The following LRRC4C variants were observed in gnomAD, a reference collection of about 807,000 sequenced individuals.
LRRC4C encodes leucine-rich repeat-containing protein 4C.
In LRRC4C, 5 loss-of-function variants were observed where a neutral mutation model predicts 33.6. That is an observed-to-expected ratio of 0.15 (90% CI 0.08 to 0.31). LRRC4C has a LOEUF of 0.31. Ranked by LOEUF, LRRC4C falls within the 10% of genes least tolerant of loss-of-function variation. The pLI is 1.00. For synonymous variants in LRRC4C, 329 were observed against 302.0 expected (o/e 1.09, Z -0.93); for missense variants, 560 against 796.7 (o/e 0.70, Z 3.58).
intron 2 of LRRC4C, among the ~76,000 whole-genome samples, chr11:40,883,893 G>T (rs370470826): frequency 6.8e-6 from 1 of 146,236 alleles, no homozygotes; most frequent in Non-Finnish European, 1.5e-5. Flanking sequence ...CCATAAGCTA[G>T]TTTTTTTTTT....
At chr11:41,125,725 T>C (rs574803032) in intron 1 of LRRC4C, among the ~76,000 whole-genome samples, 9 of 152,214 alleles carry the variant, frequency 5.9e-5, no homozygotes, top group African/African-American at 2.2e-4. Flanking sequence ...AGACATGATA[T>C]TATATGAGGG....
At chr11:41,398,196 G>T (rs1953893280) in intron 1 of LRRC4C, among the ~76,000 whole-genome samples, 1 of 151,880 alleles carries the variant, frequency 6.6e-6, no homozygotes. Context: ...ACTGCCTCAG[G>T]GGTCACATTT....
At chr11:40,331,690 C>T (rs907049691) in intron 3 of LRRC4C, among the ~76,000 whole-genome samples, 1 of 152,170 alleles carries the variant, frequency 6.6e-6, no homozygotes, top group Non-Finnish European at 1.5e-5. Flanking sequence ...TCTCTCTCTT[C>T]TTGAGCTGGG....
intron 2 of LRRC4C, among the ~76,000 whole-genome samples, chr11:40,803,157 C>T (rs1951106874): frequency 6.6e-6 from 1 of 152,162 alleles, no homozygotes; most frequent in African/African-American, 2.4e-5. Flanking sequence ...GTGACAGGTA[C>T]TGTTGAAAAC....
intron 1 of LRRC4C, among the ~76,000 whole-genome samples, chr11:41,370,299 T>A (rs1952697669): frequency 6.6e-6 from 1 of 152,158 alleles, no homozygotes. Context: ...TCCTCCCACC[T>A]CAGCCTACTG....
chr11:40,366,038 C>T (rs1008116552), intron 3 of LRRC4C, among the ~76,000 whole-genome samples: 4 of 151,928 alleles, frequency 2.6e-5, no homozygotes, highest in Admixed American at 2.6e-4. Context: ...CTCAACATAA[C>T]CAACTATCTC....
At chr11:40,614,894 G>A (rs10837445) in intron 3 of LRRC4C, among the ~76,000 whole-genome samples, 3,159 of 151,606 alleles carry the variant, frequency 0.021, 116 homozygotes, top group African/African-American at 0.073. Context: ...TACTGCTTAT[G>A]GAGTCCCCAG....
intron 3 of LRRC4C, among the ~76,000 whole-genome samples, chr11:40,544,333 G>A (rs1163905094): frequency 2.6e-5 from 4 of 151,948 alleles, no homozygotes; most frequent in South Asian, 2.1e-4. Flanking sequence ...TTTAAGAAGC[G>A]AAACTCCAAG....
At chr11:41,324,803 C>G (rs1380054665) in intron 1 of LRRC4C, among the ~76,000 whole-genome samples, 2 of 152,138 alleles carry the variant, frequency 1.3e-5, no homozygotes, top group South Asian at 4.1e-4. Flanking sequence ...GCTGTGTACA[C>G]CTATGAATGC....
At chr11:40,532,298 TA>T (rs1251425191) in intron 3 of LRRC4C, among the ~76,000 whole-genome samples, 1 of 151,564 alleles carries the variant, frequency 6.6e-6, no homozygotes, top group Admixed American at 6.6e-5. Context: ...TAAAAGTGAG[TA>T]AAATGGATCA....
chr11:40,991,204 T>TAA (rs1186155913), intron 1 of LRRC4C, among the ~76,000 whole-genome samples: 34 of 103,322 alleles, frequency 3.3e-4, no homozygotes, highest in African/African-American at 9.4e-4. Flanking sequence ...TCCCAATATG[T>TAA]AAAAAAAAAA....
chr11:40,693,438 A>G (rs983642972), intron 2 of LRRC4C, among the ~76,000 whole-genome samples: 1 of 152,112 alleles, frequency 6.6e-6, no homozygotes, highest in African/African-American at 2.4e-5. Flanking sequence ...TATCTTGTCA[A>G]TTGTGGAATA....
At chr11:40,136,120 G>A (rs776646467) in intron 6 of LRRC4C, among the ~76,000 whole-genome samples, 94 of 152,142 alleles carry the variant, frequency 6.2e-4, no homozygotes, top group Non-Finnish European at 1.1e-3. Flanking sequence ...ACCCATGCAT[G>A]TAAGCGTTGT....
chr11:40,395,157 T>C (rs1464021357), intron 3 of LRRC4C, among the ~76,000 whole-genome samples: 11 of 152,272 alleles, frequency 7.2e-5, no homozygotes, highest in African/African-American at 2.6e-4. Context: ...TGTTCTAAGG[T>C]ATAAAATGTG....
chr11:40,832,508 C>T (rs1226929716), intron 2 of LRRC4C, among the ~76,000 whole-genome samples: 2 of 151,900 alleles, frequency 1.3e-5, no homozygotes, highest in African/African-American at 4.8e-5. Context: ...TAATAAATCC[C>T]AAACTAGAAT....
At chr11:41,243,815 T>G (rs1948346076) in intron 1 of LRRC4C, among the ~76,000 whole-genome samples, 1 of 152,130 alleles carries the variant, frequency 6.6e-6, no homozygotes, top group Non-Finnish European at 1.5e-5. Flanking sequence ...CTACCTTTGG[T>G]GATATATAAT....
At chr11:41,102,077 C>T (rs1941223508) in intron 1 of LRRC4C, among the ~76,000 whole-genome samples, 1 of 151,828 alleles carries the variant, frequency 6.6e-6, no homozygotes, top group African/African-American at 2.4e-5. Flanking sequence ...TACAACAAAC[C>T]CCCGTGACAT....
chr11:41,034,337 C>T (rs1457562594), intron 1 of LRRC4C, among the ~76,000 whole-genome samples: 1 of 151,128 alleles, frequency 6.6e-6, no homozygotes, highest in Non-Finnish European at 1.5e-5. Flanking sequence ...GACTTTCTAG[C>T]CTCCAAAACT....
chr11:40,530,188 T>G lies in LRRC4C; in HGVS notation c.-270+117954A>C, dbSNP rs563591338. 3.3e-5 allele frequency among the ~76,000 whole-genome samples: 5 copies of G among 152,230 alleles called. No homozygotes were observed. In the South Asian group the frequency reaches 6.2e-4, roughly 19 times the overall value. Reference sequence around the variant, plus strand: ...AACATTTTCTCTGGTGAATCATTTCTGACTTCGCTAGAACTCTAAAATTAT... The same window carrying G: ...AACATTTTCTCTGGTGAATCATTTCGGACTTCGCTAGAACTCTAAAATTAT... On this transcript the variant is annotated intron_variant, in intron 3 of 6. Transcript: ENST00000528697.
Sources: allele counts gnomAD v4.1 joint callset (sites outside exome capture counted in the v4.1 genomes callset), GRCh38; gene constraint gnomAD v4.1.1; transcripts MANE v1.5; gene names NCBI Gene and HGNC (gene_info 2026-07-23, HGNC 2026-07-21).